The following MALRD1 variants were observed in gnomAD, a reference collection of about 807,000 sequenced individuals.
MALRD1 encodes the protein MAM and LDL-receptor class A domain-containing protein 1.
A neutral mutation model predicts 242.1 loss-of-function variants in MALRD1; 247 were observed. The ratio of observed to expected loss-of-function variants is 1.02; its 90% CI spans 0.92 to 1.13. The LOEUF (loss-of-function observed/expected upper bound fraction) is 1.13, where lower values mean the gene tolerates loss of function less well. MALRD1 is among the 50% of genes most tolerant of loss of function. The pLI is 0.00. For missense variants in MALRD1, 2,989 were observed against 2,533.1 expected (o/e 1.18, Z -3.86); for synonymous variants, 995 against 866.6 (o/e 1.15, Z -2.60).
intron 12 of MALRD1, among the ~76,000 whole-genome samples, chr10:19,163,155 A>AG (rs1564433479): frequency 6.7e-6 from 1 of 148,990 alleles, no homozygotes; most frequent in Non-Finnish European, 1.5e-5. Context: ...AAAAAAAAAA[A>AG]AAAAAAAAAA....
At chr10:19,575,381 T>A (rs569550286) in intron 33 of MALRD1, among the ~76,000 whole-genome samples, 1 of 152,058 alleles carries the variant, frequency 6.6e-6, no homozygotes, top group African/African-American at 2.4e-5. Context: ...CTCAGCACAG[T>A]ACAAGCAGTC....
chr10:19,327,486 C>A lies in MALRD1; in HGVS notation c.3577-77C>A. On this transcript the variant is annotated intron_variant, in intron 22 of 39. Transcript: ENST00000454679. ...ATATTGCAACTAAAAAAAAAAAAAT[C>A]ACTGGAAGAATTCTACATGTTTGCA... 4 of 1,107,700 alleles carry A rather than the reference C, an allele frequency of 3.6e-6. 1 individual carries two copies. The highest frequency in any genetic ancestry group is 5.1e-6 in the Non-Finnish European group (4 of 782,792). The allele number at this position is 1,107,700 out of a possible 1,614,324, so 68.6% of individuals were successfully genotyped here.
chr10:19,608,695 A>C (rs924983347), intron 35 of MALRD1, among the ~76,000 whole-genome samples: 4 of 152,132 alleles, frequency 2.6e-5, no homozygotes, highest in African/African-American at 9.6e-5. Context: ...AGAGAGGAAA[A>C]TATTATGAGA....
At chr10:19,464,591 C>A in intron 29 of MALRD1, among the ~76,000 whole-genome samples, 1 of 152,124 alleles carries the variant, frequency 6.6e-6, no homozygotes, top group East Asian at 1.9e-4. Context: ...TATACCACTA[C>A]CATGCTGTTT....
At chr10:19,247,025 C>G (rs1839086866) in intron 18 of MALRD1, among the ~76,000 whole-genome samples, 1 of 151,878 alleles carries the variant, frequency 6.6e-6, no homozygotes. Flanking sequence ...AAGGCTGCCA[C>G]CTGGTTTAGT....
chr10:19,450,987 G>A (rs1835291415), intron 29 of MALRD1, among the ~76,000 whole-genome samples: 1 of 152,094 alleles, frequency 6.6e-6, no homozygotes, highest in Non-Finnish European at 1.5e-5. Context: ...TATCACCTTT[G>A]GGTTTAGGAT....
At chr10:19,228,374 C>T (rs1386791072) in intron 18 of MALRD1, among the ~76,000 whole-genome samples, 3 of 152,074 alleles carry the variant, frequency 2.0e-5, no homozygotes, top group Admixed American at 6.6e-5. Context: ...TTAGTGGTTG[C>T]CTGTGTTCAG....
chr10:19,550,279 T>G (rs1439203933), intron 32 of MALRD1, among the ~76,000 whole-genome samples: 2 of 152,136 alleles, frequency 1.3e-5, no homozygotes, highest in Admixed American at 6.6e-5. Context: ...TTATTTATAA[T>G]TCAGTGACAT....
At chr10:19,596,405 A>T (rs1035521875) in intron 34 of MALRD1, among the ~76,000 whole-genome samples, 1 of 152,112 alleles carries the variant, frequency 6.6e-6, no homozygotes, top group Non-Finnish European at 1.5e-5. Context: ...GGTATAGTAA[A>T]AGGCAGTTTG....
At chr10:19,709,428 G>A (rs770470778) in intron 38 of MALRD1, among the ~76,000 whole-genome samples, 5 of 151,768 alleles carry the variant, frequency 3.3e-5, no homozygotes, top group Middle Eastern at 3.4e-3. Flanking sequence ...GTCTAAATAC[G>A]TATTATTTTT....
intron 21 of MALRD1, among the ~76,000 whole-genome samples, chr10:19,316,158 A>G (rs1359562469): frequency 6.6e-6 from 1 of 151,656 alleles, no homozygotes; most frequent in African/African-American, 2.4e-5. Context: ...ATAATTTACT[A>G]AGGACAATTG....
chr10:19,487,317 A>G (rs1416251149), intron 29 of MALRD1, among the ~76,000 whole-genome samples: 2 of 151,562 alleles, frequency 1.3e-5, no homozygotes, highest in Admixed American at 1.3e-4. Context: ...CTATCTTTTC[A>G]ATTTGCTGTA....
At chr10:19,409,504 A>C (rs1004267310) in intron 28 of MALRD1, among the ~76,000 whole-genome samples, 1 of 152,170 alleles carries the variant, frequency 6.6e-6, no homozygotes, top group Non-Finnish European at 1.5e-5. Context: ...GATTGCAAAA[A>C]GTTAAGGAGG....
At chr10:19,688,013 A>G (rs1435225050) in intron 36 of MALRD1, among the ~76,000 whole-genome samples, 2 of 151,960 alleles carry the variant, frequency 1.3e-5, no homozygotes, top group African/African-American at 2.4e-5. Flanking sequence ...TGTGTTGCCC[A>G]GGCTGGAGCG....
intron 29 of MALRD1, among the ~76,000 whole-genome samples, chr10:19,451,596 A>T (rs931993133): frequency 6.6e-6 from 1 of 152,154 alleles, no homozygotes; most frequent in African/African-American, 2.4e-5. Flanking sequence ...CTTGGCAGCA[A>T]GTCCCCGCGA....
At chr10:19,264,294 A>G (rs912020476) in intron 19 of MALRD1, among the ~76,000 whole-genome samples, 1 of 152,138 alleles carries the variant, frequency 6.6e-6, no homozygotes, top group African/African-American at 2.4e-5. Context: ...ACTTGGTCAT[A>G]ATATATGATC....
At chr10:19,293,438 G>C (rs1014916352) in intron 21 of MALRD1, among the ~76,000 whole-genome samples, 7 of 152,152 alleles carry the variant, frequency 4.6e-5, no homozygotes, top group African/African-American at 1.7e-4. Flanking sequence ...CCTTATTTTA[G>C]ATTGTCCTTG....
At chr10:19,723,728 T>TGA (rs201336791) in intron 38 of MALRD1, among the ~76,000 whole-genome samples, 2,646 of 150,158 alleles carry the variant, frequency 0.018, 42 homozygotes, top group Middle Eastern at 0.032. Context: ...GGCAACAGAG[T>TGA]GAGAATGTGT....
At position 19,283,217 on chromosome 10, in the gene MALRD1, A is replaced by G. The variant is rs543159616; in HGVS notation, c.3419+36A>G. The stretch of plus-strand genomic sequence containing the variant: ...ATGTATTTTGAATATCTCTCTTGGG[A>G]AATATTTATTAAGCATCTCCCAAAT... On this transcript the variant is annotated intron_variant, in intron 21 of 39. Coordinates refer to ENST00000454679, the MANE Select transcript of MALRD1 (RefSeq NM_001142308.3). 3 of 1,399,942 alleles carry G rather than the reference A, an allele frequency of 2.1e-6. No individual in the cohort carries two copies. In the African/African-American group the frequency reaches 4.4e-5, roughly 20 times the overall value. 86.7% of individuals were successfully genotyped at this position (1,399,942 alleles called of 1,614,324 possible).
Sources: gnomAD v4.1 joint callset for allele counts (sites outside exome capture counted in the v4.1 genomes callset) on GRCh38, gnomAD v4.1.1 for gene constraint, MANE v1.5 for transcripts, NCBI Gene and HGNC (gene_info 2026-07-23, HGNC 2026-07-21) for gene names.